SOHLH2: variants seen among roughly 807,000 people sequenced by gnomAD.
The protein encoded by SOHLH2 is spermatogenesis- and oogenesis-specific basic helix-loop-helix-containing protein 2.
In SOHLH2, 22 loss-of-function variants were observed where a neutral mutation model predicts 50.4. The observed-to-expected ratio is 0.44, with a 90% CI of 0.31 to 0.62. The LOEUF (loss-of-function observed/expected upper bound fraction) is 0.62. Ranked by LOEUF, SOHLH2 falls within the 20% of genes least tolerant of loss-of-function variation. SOHLH2 has a pLI of 0.08. For missense variants in SOHLH2, 412 were observed against 504.4 expected (o/e 0.82, Z 1.76); for synonymous variants, 185 against 187.3 (o/e 0.99, Z 0.10).
In SOHLH2 at chr13:36,205,653, T is replaced by G. The variant is rs562203765; in HGVS notation, c.49-3560A>C. 2.0e-5 allele frequency among the ~76,000 whole-genome samples: 3 copies of G among 152,262 alleles called. No individual in the cohort carries two copies. The East Asian group carries it at 5.8e-4, about 29-fold the overall frequency. The stretch of plus-strand genomic sequence containing the variant: ...TCACCTTTAGATTTTTGCATCTATG[T>G]TCATAAATGAATCTTGATATAATTT... On this transcript the variant is annotated intron_variant, in intron 1 of 10. Coordinates refer to ENST00000379881, the MANE Select transcript of SOHLH2 (RefSeq NM_017826.3).
At chr13:36,206,530 C>T (rs906789992) in intron 1 of SOHLH2, among the ~76,000 whole-genome samples, 2 of 151,900 alleles carry the variant, frequency 1.3e-5, no homozygotes, top group African/African-American at 4.8e-5. Context: ...TATTTCAGTG[C>T]ATTGTCAACA....
chr13:36,176,758 G>A (rs1045331468), intron 6 of SOHLH2, among the ~76,000 whole-genome samples: 1 of 152,070 alleles, frequency 6.6e-6, no homozygotes, highest in African/African-American at 2.4e-5. Flanking sequence ...TCAGATTAGA[G>A]ATGCTCAACT....
At chr13:36,185,356 G>A (rs1308780739) in intron 6 of SOHLH2, among the ~76,000 whole-genome samples, 2 of 151,776 alleles carry the variant, frequency 1.3e-5, no homozygotes, top group African/African-American at 4.8e-5. Flanking sequence ...AATTCCAGCT[G>A]CTTGGGAGGC....
At chr13:36,205,995 T>A (rs149748270) in intron 1 of SOHLH2, among the ~76,000 whole-genome samples, 93 of 151,990 alleles carry the variant, frequency 6.1e-4, no homozygotes, top group Non-Finnish European at 1.1e-3. Context: ...AATTTTAAAA[T>A]ATATATATAA....
At chr13:36,190,441 A>T (rs1887542503) in intron 5 of SOHLH2, among the ~76,000 whole-genome samples, 1 of 152,152 alleles carries the variant, frequency 6.6e-6, no homozygotes, top group African/African-American at 2.4e-5. Flanking sequence ...GACAAGATAC[A>T]CCCTAGGCCA....
intron 1 of SOHLH2, among the ~76,000 whole-genome samples, chr13:36,205,438 T>G (rs1566046634): frequency 6.6e-6 from 1 of 152,136 alleles, no homozygotes; most frequent in Non-Finnish European, 1.5e-5. Flanking sequence ...AAAGTTTCTA[T>G]TTGGAAGCTA....
At chr13:36,209,281 T>C (rs1310047523) in intron 1 of SOHLH2, among the ~76,000 whole-genome samples, 5 of 152,170 alleles carry the variant, frequency 3.3e-5, no homozygotes, top group Admixed American at 3.3e-4. Context: ...CCTGCTATTT[T>C]TAGGATGTGA....
At chr13:36,177,153 C>T (rs760902825) in intron 6 of SOHLH2, among the ~76,000 whole-genome samples, 8 of 152,078 alleles carry the variant, frequency 5.3e-5, no homozygotes, top group Non-Finnish European at 8.8e-5. Context: ...CCTCAAATAG[C>T]ATATAAATAA....
At chr13:36,196,966 A>G (rs1436133912) in intron 2 of SOHLH2, among the ~76,000 whole-genome samples, 2 of 152,326 alleles carry the variant, frequency 1.3e-5, no homozygotes, top group South Asian at 2.1e-4. Context: ...CAATAAGCTA[A>G]AAGAGTTTCT....
chr13:36,174,891 A>AT, intron 6 of SOHLH2, 22 bp from the exon 7 acceptor site: 1 of 1,551,562 alleles, frequency 6.4e-7, no homozygotes, highest in South Asian at 1.3e-5. Context: ...ATTGCAATAC[A>AT]TAAAGAATAA....
chr13:36,192,217 A>T (rs915969328), intron 4 of SOHLH2, among the ~76,000 whole-genome samples: 1 of 152,172 alleles, frequency 6.6e-6, no homozygotes, highest in Non-Finnish European at 1.5e-5. Context: ...ATGTCAGGAG[A>T]CAAAAAACAC....
intron 1 of SOHLH2, among the ~76,000 whole-genome samples, chr13:36,206,753 G>A (rs1868788837): frequency 6.6e-6 from 1 of 151,626 alleles, no homozygotes; most frequent in Non-Finnish European, 1.5e-5. Context: ...TGAAAGAAGA[G>A]TATCAAAATC....
chr13:36,169,792 C>T (rs2138262033), intron 10 of SOHLH2, among the ~76,000 whole-genome samples: 1 of 152,320 alleles, frequency 6.6e-6, no homozygotes, highest in East Asian at 1.9e-4. Context: ...CACCCCTCTA[C>T]CTAGCTATTC....
At chr13:36,170,384 T>C (rs1886929512) in intron 10 of SOHLH2, 147 bp downstream of exon 10, 2 of 1,370,636 alleles carry the variant, frequency 1.5e-6, no homozygotes, top group East Asian at 2.5e-5. Flanking sequence ...CTGCACCTCC[T>C]TTTCACTCAT....
intron 2 of SOHLH2, among the ~76,000 whole-genome samples, chr13:36,201,055 A>AAC (rs1488641842): frequency 1.3e-5 from 2 of 150,072 alleles, no homozygotes; most frequent in African/African-American, 4.9e-5. Flanking sequence ...CCTCAAAAAA[A>AAC]AAAAAAAAAA....
rs1463744077 is a variant in SOHLH2 at position 36,190,033 on chromosome 13, T to C, written c.554A>G (p.Asn185Ser). 2 of 1,606,476 alleles carry C rather than the reference T, an allele frequency of 1.2e-6. No individual in the cohort carries two copies. Among genetic ancestry groups the C allele is most frequent in the Non-Finnish European group, 1.7e-6 (2 of 1,175,554 alleles). ...CAACGAAGCATTTAATTCAAGCCCA[T>C]TGCCATTCCTTAAAGATTCAGAGCT... ...FACSESLRNG[N>S]GLELNASLSE... Residue 185 changes from asparagine to serine, a missense_variant, in exon 6 of 11, where the codon AAT (asparagine) becomes AGT (serine). Asn to Ser is a conservative substitution (Grantham distance 46, BLOSUM62 1). Coordinates refer to ENST00000379881, the MANE Select transcript of SOHLH2 (RefSeq NM_017826.3).
chr13:36,184,600 C>A (rs939013291), intron 6 of SOHLH2, among the ~76,000 whole-genome samples: 1 of 151,840 alleles, frequency 6.6e-6, no homozygotes, highest in African/African-American at 2.4e-5. Flanking sequence ...GCTGGGACTA[C>A]AGGCGCCTGC....
intron 4 of SOHLH2, 62 bp downstream of exon 4, chr13:36,193,559 A>G: frequency 6.6e-7 from 1 of 1,505,788 alleles, no homozygotes. Context: ...GTCAGAATAT[A>G]TGAGCAGAGT....
chr13:36,181,258 T>G (rs182593943), intron 6 of SOHLH2, among the ~76,000 whole-genome samples: 1 of 152,276 alleles, frequency 6.6e-6, no homozygotes, highest in Non-Finnish European at 1.5e-5. Context: ...AAAGCTTCTC[T>G]GTTACAGACA....
Sources: allele counts gnomAD v4.1 joint callset (sites outside exome capture counted in the v4.1 genomes callset), GRCh38; gene constraint gnomAD v4.1.1; transcripts MANE v1.5; gene names NCBI Gene and HGNC (gene_info 2026-07-23, HGNC 2026-07-21).